The following KY variants were observed in gnomAD, a reference collection of about 807,000 sequenced individuals.
KY encodes kyphoscoliosis peptidase.
A neutral mutation model predicts 76.1 loss-of-function variants in KY; 43 were observed. The ratio of observed to expected loss-of-function variants is 0.57; its 90% CI spans 0.44 to 0.73. The LOEUF is 0.73. KY is among the 30% of genes least tolerant of loss of function. The pLI is 0.00. For synonymous variants in KY, 277 were observed against 326.2 expected (o/e 0.85, Z 1.63); for missense variants, 722 against 828.9 (o/e 0.87, Z 1.58).
rs1225450118 is a variant in KY, at chr3:134,645,242, G to A, written c.200-1864C>T. On this transcript the variant is annotated intron_variant, in intron 2 of 10. Coordinates refer to ENST00000423778, the MANE Select transcript of KY (RefSeq NM_178554.6). The stretch of plus-strand genomic sequence containing the variant: ...GGGTGGGGTAGGAGGGTGAGGAGGC[G>A]GCTGGGCCCAAACACCTGCTGCTTC... Among the ~76,000 whole-genome samples the A allele has an allele frequency of 5.3e-5, 8 of 152,288 alleles. No homozygotes were observed. In the South Asian group the frequency reaches 1.4e-3, roughly 28 times the overall value.
At chr3:134,628,295 G>C (rs1170246157) in intron 4 of KY, among the ~76,000 whole-genome samples, 3 of 152,208 alleles carry the variant, frequency 2.0e-5, no homozygotes. Flanking sequence ...TCCTTGGGAG[G>C]ATTAAAGGCC....
chr3:134,632,299 C>T (rs1235717483), intron 3 of KY, among the ~76,000 whole-genome samples: 1 of 151,996 alleles, frequency 6.6e-6, no homozygotes, highest in Non-Finnish European at 1.5e-5. Context: ...CATCTAATAA[C>T]AGCACAACGC....
chr3:134,622,220 C>CA (rs1349517558), intron 6 of KY, among the ~76,000 whole-genome samples: 1 of 151,996 alleles, frequency 6.6e-6, no homozygotes, highest in African/African-American at 2.4e-5. Context: ...GGTACGCAAC[C>CA]AAAAAAACCG....
intron 8 of KY, among the ~76,000 whole-genome samples, chr3:134,611,815 C>T (rs1464202434): frequency 1.3e-5 from 2 of 152,182 alleles, no homozygotes; most frequent in Admixed American, 6.5e-5. Flanking sequence ...AAGAGGGCCA[C>T]GGAGCCTCCC....
chr3:134,646,024 C>T (rs998429406), intron 2 of KY, among the ~76,000 whole-genome samples: 1 of 152,196 alleles, frequency 6.6e-6, no homozygotes, highest in Non-Finnish European at 1.5e-5. Context: ...ACAGCTGCAA[C>T]CAACAAGGAT....
chr3:134,635,079 C>T (rs1001107719), intron 3 of KY, among the ~76,000 whole-genome samples: 2 of 152,342 alleles, frequency 1.3e-5, no homozygotes, highest in East Asian at 1.9e-4. Context: ...AACTTATGTT[C>T]ACACAAAAAC....
Position 134,611,110 on chromosome 3 carries a change from C to A in KY, c.711-727G>T, listed in dbSNP as rs1409141702. Among the ~76,000 whole-genome samples, 11 of 152,180 alleles carry A rather than the reference C, an allele frequency of 7.2e-5. No homozygotes were observed. The South Asian group carries it at 1.0e-3, about 14-fold the overall frequency. ...GTGCATTAAGGTCATTTGCTGACTG[C>A]CTGCCCTGGCCACAATTCTGGAGTC... On this transcript the variant is annotated intron_variant, in intron 8 of 10. Coordinates refer to ENST00000423778, the MANE Select transcript of KY (RefSeq NM_178554.6).
intron 3 of KY, among the ~76,000 whole-genome samples, chr3:134,637,091 A>C (rs1391348027): frequency 2.0e-5 from 3 of 152,264 alleles, no homozygotes; most frequent in Non-Finnish European, 4.4e-5. Flanking sequence ...GAAAAGATAC[A>C]ATGTGGCCTC....
intron 5 of KY, among the ~76,000 whole-genome samples, chr3:134,627,420 A>G (rs1423517141): frequency 6.6e-6 from 1 of 152,172 alleles, no homozygotes; most frequent in East Asian, 1.9e-4. Context: ...GCTTATTCAC[A>G]TGCCTCCTAC....
chr3:134,611,363 A>T (rs867872799), intron 8 of KY, among the ~76,000 whole-genome samples: 15 of 152,190 alleles, frequency 9.9e-5, no homozygotes, highest in Admixed American at 3.3e-4. Flanking sequence ...CCAAGGCCAA[A>T]GCAAGACCCC....
chr3:134,608,040 G>A (rs1414246294), intron 10 of KY: 2 of 1,064,328 alleles, frequency 1.9e-6, no homozygotes, highest in African/African-American at 1.7e-5. Flanking sequence ...ACCTCCCTAA[G>A]GAAGTCTGCC....
Position 134,619,212 on chromosome 3 carries a change from C to T in KY, c.646G>A (p.Asp216Asn). ...EKDRQAFKPT[D>N]ILRTQKTNCD... ...TTGGTCTTCTGGGTCCGCAGGATGT[C>T]AGTGGGTTTGAAGGCTTGGCGGTCC... The change falls in exon 8 of 11, where the codon GAC (aspartate) becomes AAC (asparagine). Residue 216 changes from aspartate to asparagine, a missense_variant. Asp to Asn is a conservative substitution (Grantham distance 23). Around this residue, in one of 2 missense-constraint regions of KY, gnomAD observed 552 missense variants for 680.9 expected, o/e 0.81. Transcript: ENST00000423778. 1 of 1,613,952 alleles carries T rather than the reference C, an allele frequency of 6.2e-7. No individual in the cohort carries two copies. The highest frequency in any genetic ancestry group is 8.5e-7 in the Non-Finnish European group (1 of 1,179,880).
In KY at chr3:134,603,573, C is replaced by T. The variant is rs755494337; in HGVS notation, c.*6G>A. 1.3e-5 allele frequency: 20 copies of T among 1,565,280 alleles called. No individual in the cohort carries two copies. The highest frequency in any genetic ancestry group is 4.8e-5 in the South Asian group (4 of 82,656). The stretch of plus-strand genomic sequence containing the variant: ...CCTTTGGGAGGGTAAGACCGGGGCA[C>T]AGCCCTCACTGGGCATTCACTTTGT... On this transcript the variant is annotated 3_prime_UTR_variant, in exon 11 of 11. Coordinates refer to ENST00000423778, the MANE Select transcript of KY (RefSeq NM_178554.6).
At chr3:134,628,817 A>G (rs1963816317) in intron 4 of KY, among the ~76,000 whole-genome samples, 1 of 152,306 alleles carries the variant, frequency 6.6e-6, no homozygotes, top group East Asian at 1.9e-4. Flanking sequence ...AAGGTCACAC[A>G]GCTGAAACAT....
intron 1 of KY, among the ~76,000 whole-genome samples, chr3:134,647,740 G>T (rs532341088): frequency 6.6e-5 from 10 of 152,298 alleles, no homozygotes; most frequent in Admixed American, 5.9e-4. Flanking sequence ...CATTTAGGGA[G>T]AATTTTTGTA....
In KY at chr3:134,619,268, A is replaced by G. The variant is rs779488036; in HGVS notation, c.593-3T>C. ...CTGAGCAGCTGCAATGTCATACTCTATAGGGCAGGTGAGGGGATCATGAAG... is the reference window on the plus strand; with the variant it reads ...CTGAGCAGCTGCAATGTCATACTCTGTAGGGCAGGTGAGGGGATCATGAAG... On this transcript the variant is annotated splice_polypyrimidine_tract_variant and splice_region_variant and intron_variant, in intron 7 of 10. Coordinates refer to ENST00000423778, the MANE Select transcript of KY (RefSeq NM_178554.6). 1 of 1,609,236 alleles carries G rather than the reference A, an allele frequency of 6.2e-7. No individual in the cohort carries two copies. Among genetic ancestry groups the G allele is most frequent in the Non-Finnish European group, 8.5e-7 (1 of 1,175,594 alleles).
chr3:134,644,276 T>G (rs1317706745), intron 2 of KY, among the ~76,000 whole-genome samples: 2 of 152,360 alleles, frequency 1.3e-5, no homozygotes, highest in East Asian at 3.9e-4. Flanking sequence ...GGGATATTTC[T>G]GTCCCTGGGA....
At chr3:134,648,561 C>T (rs906557639) in intron 1 of KY, among the ~76,000 whole-genome samples, 6 of 152,134 alleles carry the variant, frequency 3.9e-5, no homozygotes, top group African/African-American at 1.4e-4. Context: ...CTTTCAGGCA[C>T]GTTTTGGAGA....
intron 2 of KY, 77 bp downstream of exon 2, chr3:134,647,358 A>T: frequency 8.3e-7 from 1 of 1,205,388 alleles, no homozygotes; most frequent in South Asian, 1.3e-5. Context: ...CTAGTCTTCA[A>T]ATGAGTGAAA....
Sources: allele counts gnomAD v4.1 joint callset (sites outside exome capture counted in the v4.1 genomes callset), GRCh38; gene constraint gnomAD v4.1.1; regional missense constraint gnomAD v4.1.1; transcripts MANE v1.5; gene names NCBI Gene and HGNC (gene_info 2026-07-23, HGNC 2026-07-21).